VWA5B1: variants seen among roughly 807,000 people sequenced by gnomAD.
VWA5B1 encodes the protein von Willebrand factor A domain containing 5B1.
In VWA5B1, 115 loss-of-function variants were observed where a neutral mutation model predicts 118.2. The ratio of observed to expected loss-of-function variants is 0.97; its 90% CI spans 0.84 to 1.14. The LOEUF is 1.14. VWA5B1 is among the 50% of genes most tolerant of loss of function. The pLI is 0.00. For synonymous variants in VWA5B1, 682 were observed against 658.4 expected (o/e 1.04, Z -0.55); for missense variants, 1,596 against 1,603.8 (o/e 1.00, Z 0.08).
chr1:20,313,207 T>A lies in VWA5B1; in HGVS notation c.292+219T>A, dbSNP rs544069753. 2.6e-5 allele frequency among the ~76,000 whole-genome samples: 4 copies of A among 152,350 alleles called. No individual in the cohort carries two copies. In the South Asian group the frequency reaches 8.3e-4, roughly 32 times the overall value. On this transcript the variant is annotated intron_variant, in intron 3 of 21. Transcript: ENST00000289815. The stretch of plus-strand genomic sequence containing the variant: ...TGTCTGTAAGACAGAGGTAATTGAC[T>A]TTCTGTAGTCACCTCAAAAGTGTGA...
At position 20,330,987 on chromosome 1, in the gene VWA5B1, G is replaced by A. The variant is rs1570159512; in HGVS notation, c.1572+4G>A. On this transcript the variant is annotated splice_donor_region_variant and intron_variant, in intron 11 of 21. Coordinates refer to ENST00000289815, the MANE Select transcript of VWA5B1 (RefSeq NM_001039500.3). ...GGGGGAGCGGCTGCAACCCAAGGTA[G>A]GCAGCAGAACCCACGCAGTCCCTTC... The A allele has an allele frequency of 6.5e-7, 1 of 1,543,946 alleles. No homozygotes were observed.
chr1:20,328,970 T>G (rs1208348640), intron 9 of VWA5B1, among the ~76,000 whole-genome samples: 1 of 152,256 alleles, frequency 6.6e-6, no homozygotes, highest in Non-Finnish European at 1.5e-5. Flanking sequence ...CATACTGTTC[T>G]GTAACCTACT....
intron 1 of VWA5B1, among the ~76,000 whole-genome samples, chr1:20,305,158 A>T (rs2088612034): frequency 6.6e-6 from 1 of 152,086 alleles, no homozygotes; most frequent in Non-Finnish European, 1.5e-5. Flanking sequence ...TGCTAAGGAA[A>T]AAAAACAAAG....
At chr1:20,310,272 C>T (rs745356254) in intron 1 of VWA5B1, among the ~76,000 whole-genome samples, 15 of 152,172 alleles carry the variant, frequency 9.9e-5, no homozygotes, top group Non-Finnish European at 2.1e-4. Context: ...CCAGGCTGAA[C>T]GTGAGGCTCA....
intron 7 of VWA5B1, chr1:20,323,104 C>G (rs893215674): frequency 3.0e-6 from 1 of 335,844 alleles, no homozygotes; most frequent in Admixed American, 4.9e-5. Flanking sequence ...GGGACTCACC[C>G]CCATATCACA....
intron 1 of VWA5B1, among the ~76,000 whole-genome samples, chr1:20,309,218 C>T (rs778702846): frequency 6.6e-6 from 1 of 152,178 alleles, no homozygotes; most frequent in Non-Finnish European, 1.5e-5. Context: ...AAGCCAAAGT[C>T]GATGTGGCCC....
At chr1:20,348,048 A>G (rs751366036) in intron 17 of VWA5B1, among the ~76,000 whole-genome samples, 197 bp from the exon 18 acceptor site, 6 of 152,190 alleles carry the variant, frequency 3.9e-5, no homozygotes, top group African/African-American at 7.2e-5. Flanking sequence ...CACCCATCCA[A>G]CTGGAAAGAG....
At position 20,337,638 on chromosome 1, in the gene VWA5B1, C is replaced by T. The variant is rs2089755242; in HGVS notation, c.1943-8C>T. 5 of 1,549,374 alleles carry T rather than the reference C, an allele frequency of 3.2e-6. No homozygotes were observed. Among genetic ancestry groups the T allele is most frequent in the Non-Finnish European group, 4.4e-6 (5 of 1,145,552 alleles). On this transcript the variant is annotated splice_polypyrimidine_tract_variant and splice_region_variant and intron_variant, in intron 13 of 21. Transcript: ENST00000289815. ...CTCTGATGGTTCCCCATCACTATCC[C>T]TGTCCAGATCTGAACCTCTCTCAGC...
intron 1 of VWA5B1, among the ~76,000 whole-genome samples, chr1:20,293,436 G>C (rs1474048355): frequency 1.3e-5 from 2 of 152,236 alleles, no homozygotes; most frequent in Non-Finnish European, 2.9e-5. Context: ...CAGGCCACTG[G>C]CCTGGGCTCC....
Position 20,355,933 on chromosome 1 carries a change from C to T in VWA5B1, c.*1670C>T, listed in dbSNP as rs1347735086. On this transcript the variant is annotated 3_prime_UTR_variant, in exon 22 of 22. Transcript: ENST00000289815. ...TTCAGACTTACCCTCTGGGGAGGAA[C>T]CCAGGCAGGCAGGCCTGGACACTGT... 6.6e-6 allele frequency among the ~76,000 whole-genome samples: 1 copy of T among 152,200 alleles called. No individual in the cohort carries two copies. Among genetic ancestry groups the T allele is most frequent in the Admixed American group, 6.5e-5 (1 of 15,292 alleles).
At chr1:20,347,846 G>A (rs924547844) in intron 17 of VWA5B1, among the ~76,000 whole-genome samples, 9 of 152,092 alleles carry the variant, frequency 5.9e-5, no homozygotes, top group African/African-American at 2.2e-4. Flanking sequence ...TGTGGGAGGG[G>A]TACTTGGGAC....
chr1:20,293,368 C>T (rs1360466332), intron 1 of VWA5B1, among the ~76,000 whole-genome samples: 1 of 152,196 alleles, frequency 6.6e-6, no homozygotes, highest in Non-Finnish European at 1.5e-5. Flanking sequence ...CAAGGGACAG[C>T]TCTGAGGAAA....
Position 20,336,443 on chromosome 1 carries a change from C to CA in VWA5B1, c.1904dup (p.Asn635LysfsTer43). On this transcript the variant is annotated frameshift_variant, in exon 13 of 22. Transcript: ENST00000289815. LOFTEE classifies it high-confidence loss of function. Reference sequence around the variant, plus strand: ...GGGCACCCTTCATCCTAGGGCAGGCCAAAAATGCCCGGCTAGCCAGCGGAG... The same window carrying CA: ...GGGCACCCTTCATCCTAGGGCAGGCCAAAAAATGCCCGGCTAGCCAGCGGAG... 3 of 1,490,220 alleles carry CA rather than the reference C, an allele frequency of 2.0e-6. No homozygotes were observed. The highest frequency in any genetic ancestry group is 2.7e-6 in the Non-Finnish European group (3 of 1,114,438). The allele number at this position is 1,490,220 out of a possible 1,614,324, so 92.3% of individuals were successfully genotyped here.
At chr1:20,296,165 G>T (rs2088402641) in intron 1 of VWA5B1, among the ~76,000 whole-genome samples, 1 of 152,138 alleles carries the variant, frequency 6.6e-6, no homozygotes, top group African/African-American at 2.4e-5. Context: ...GCCCGGCCAA[G>T]GTTGTAGGTT....
intron 1 of VWA5B1, among the ~76,000 whole-genome samples, chr1:20,301,494 C>T (rs2088503463): frequency 6.6e-6 from 1 of 152,232 alleles, no homozygotes; most frequent in Non-Finnish European, 1.5e-5. Flanking sequence ...CAGGAATTCA[C>T]TTCCAAGCCT....
intron 19 of VWA5B1, 50 bp downstream of exon 19, chr1:20,350,280 G>A (rs773109926): frequency 6.5e-7 from 1 of 1,544,644 alleles, no homozygotes; most frequent in African/African-American, 1.4e-5. Flanking sequence ...GACAGGGATT[G>A]GTCCTGGGGT....
intron 8 of VWA5B1, among the ~76,000 whole-genome samples, chr1:20,327,664 A>ATGGTGG (rs112567851): frequency 4.8e-5 from 7 of 144,938 alleles, no homozygotes; most frequent in African/African-American, 1.5e-4. Context: ...GATGATGATG[A>ATGGTGG]TGGTGGTGGT....
At chr1:20,344,143 C>A (rs2089959222) in intron 16 of VWA5B1, among the ~76,000 whole-genome samples, 2 of 151,274 alleles carry the variant, frequency 1.3e-5, no homozygotes, top group South Asian at 4.2e-4. Context: ...CCCCTGCCTC[C>A]GAGTAAGTGG....
chr1:20,351,868 C>T (rs1285580464), intron 20 of VWA5B1, among the ~76,000 whole-genome samples, 187 bp from the exon 21 acceptor site: 3 of 152,198 alleles, frequency 2.0e-5, no homozygotes, highest in Admixed American at 1.3e-4. Flanking sequence ...CCAGCTGCTG[C>T]TAACTCATTG....
Sources: allele counts gnomAD v4.1 joint callset (sites outside exome capture counted in the v4.1 genomes callset), GRCh38; gene constraint gnomAD v4.1.1; transcripts MANE v1.5; gene names NCBI Gene and HGNC (gene_info 2026-07-23, HGNC 2026-07-21).